SCN11A: variants seen among roughly 807,000 people sequenced by gnomAD.
SCN11A encodes the protein sodium channel protein type 11 subunit alpha.
SCN11A carries 122 observed loss-of-function variants against 162.2 expected under a neutral mutation model. The observed-to-expected ratio is 0.75, with a 90% CI of 0.65 to 0.87. The LOEUF is 0.87. SCN11A is among the 40% of genes least tolerant of loss of function. The probability of loss-of-function intolerance (pLI) is 0.00; values close to 1 mark genes in which losing one functional copy is unlikely to be tolerated. For missense variants in SCN11A, 2,015 were observed against 2,181.6 expected, an observed-to-expected ratio of 0.92 and a Z score of 1.52; for synonymous variants, 758 against 751.5, an observed-to-expected ratio of 1.01 and a Z score of -0.14.
intron 2 of SCN11A, among the ~76,000 whole-genome samples, chr3:38,983,442 G>A (rs2030129693): frequency 6.6e-6 from 1 of 152,182 alleles, no homozygotes; most frequent in Non-Finnish European, 1.5e-5. Context: ...TCTGTGGCCT[G>A]ACCTCCCCTG....
chr3:38,943,721 C>A (rs1174936811), intron 7 of SCN11A, among the ~76,000 whole-genome samples: 1 of 152,034 alleles, frequency 6.6e-6, no homozygotes, highest in African/African-American at 2.4e-5. Context: ...GAGTCTAAAT[C>A]AAATATTTCA....
chr3:38,909,111 G>T lies in SCN11A; in HGVS notation c.1185C>A (p.Thr395=), dbSNP rs747121920. 9 of 1,613,966 alleles carry T rather than the reference G, an allele frequency of 5.6e-6. No homozygotes were observed. Among genetic ancestry groups the T allele is most frequent in the African/African-American group, 1.3e-5 (1 of 74,898 alleles). Residue 395 remains threonine, a synonymous_variant, in exon 13 of 30, where the codon ACC becomes ACA. Coordinates refer to ENST00000302328, the MANE Select transcript of SCN11A (RefSeq NM_001349253.2). Reference sequence around the variant, plus strand: ...CATATGCCATGGTAACAACAGCCAGGGTTAAGTTAATCAGGTAGAAGGAGC... The same window carrying T: ...CATATGCCATGGTAACAACAGCCAGTGTTAAGTTAATCAGGTAGAAGGAGC... ...FLGSFYLINL[T]LAVVTMAYEE...
At chr3:39,026,102 ATG>A (rs1196016732) in intron 2 of SCN11A, 1 of 150,684 alleles carries the variant, frequency 6.6e-6, no homozygotes, top group Non-Finnish European at 1.5e-5. Flanking sequence ...TTATTACATT[ATG>A]TGTCAATTAA....
intron 2 of SCN11A, among the ~76,000 whole-genome samples, chr3:39,024,609 C>G (rs2031539194): frequency 6.6e-6 from 1 of 152,202 alleles, no homozygotes; most frequent in African/African-American, 2.4e-5. Context: ...AAAACCAGAA[C>G]ATAATACTCT....
intron 14 of SCN11A, among the ~76,000 whole-genome samples, chr3:38,907,297 T>C (rs545641624): frequency 1.2e-3 from 152 of 129,982 alleles, no homozygotes; most frequent in African/African-American, 3.8e-3. Flanking sequence ...TTGGTATATA[T>C]ATACCAACAT....
chr3:39,048,477 A>G (rs76468963), intron 1 of SCN11A, among the ~76,000 whole-genome samples: 4,396 of 152,326 alleles, frequency 0.029, 214 homozygotes, highest in African/African-American at 0.1. Flanking sequence ...ACTATGATTA[A>G]CAATAATTTA....
Position 39,004,898 on chromosome 3 carries a change from G to A in SCN11A, c.-280+27482C>T, listed in dbSNP as rs146056308. Among the ~76,000 whole-genome samples the A allele has an allele frequency of 3.5e-4, 54 of 152,242 alleles. No individual in the cohort carries two copies. In the East Asian group the frequency reaches 9.8e-3, roughly 28 times the overall value. ...CTGCAGACAAAACCTCTGAGACACC[G>A]AATTGTAGAAGGAAGGGCTTTATTC... On this transcript the variant is annotated intron_variant, in intron 2 of 29. Transcript: ENST00000302328.
intron 1 of SCN11A, among the ~76,000 whole-genome samples, chr3:39,042,988 A>G (rs1212129536): frequency 6.6e-6 from 1 of 150,730 alleles, no homozygotes; most frequent in Non-Finnish European, 1.5e-5. Flanking sequence ...AAGAAAAAGA[A>G]AAAAGAAATG....
rs761776196 is a variant in SCN11A, at chr3:38,897,054, T to C, written c.2194A>G (p.Ser732Gly). The change falls in exon 18 of 30, where the codon AGT (serine) becomes GGT (glycine). Residue 732 changes from serine (S) to glycine (G), a missense_variant. Coordinates refer to ENST00000302328, the MANE Select transcript of SCN11A (RefSeq NM_001349253.2). ...CCTGTCGGGTTACAGAGTTTTGGAC[T>C]CTTTTGGGAATTGAAGCTACGGCCA... ...LFGRSFNSQKSPKLCNPTGPT... is the reference protein window; with the variant it reads ...LFGRSFNSQKGPKLCNPTGPT... The C allele has an allele frequency of 1.2e-6, 2 of 1,614,016 alleles. No homozygotes were observed. The highest frequency in any genetic ancestry group is 1.7e-6 in the Non-Finnish European group (2 of 1,180,016).
intron 1 of SCN11A, among the ~76,000 whole-genome samples, chr3:39,043,056 T>C (rs2032094291): frequency 6.6e-6 from 1 of 150,912 alleles, no homozygotes; most frequent in South Asian, 2.1e-4. Flanking sequence ...CAAACAGGCA[T>C]GTGAAAAAGT....
In SCN11A at chr3:38,938,540, A is replaced by G. The variant is rs1274403206; in HGVS notation, c.488+6871T>C. 6.1e-3 allele frequency among the ~76,000 whole-genome samples: 148 copies of G among 24,138 alleles called. 3 individuals carry two copies. Among genetic ancestry groups the G allele is most frequent in the African/African-American group, 0.029 (142 of 4,910 alleles). 15.8% of individuals were successfully genotyped at this position (24,138 alleles called of 152,430 possible). A position where few individuals can be genotyped will look rare whatever the true frequency, so the allele number is the denominator to read the frequency against. On this transcript the variant is annotated intron_variant, in intron 7 of 29. Coordinates refer to ENST00000302328, the MANE Select transcript of SCN11A (RefSeq NM_001349253.2). Reference sequence around the variant, plus strand: ...TATATATATATATATATATATATATATATATATATATTTTTTTTTTTTTTT... The same window carrying G: ...TATATATATATATATATATATATATGTATATATATATTTTTTTTTTTTTTT...
At chr3:38,906,316 G>T (rs950365967) in intron 14 of SCN11A, among the ~76,000 whole-genome samples, 1 of 151,962 alleles carries the variant, frequency 6.6e-6, no homozygotes, top group Non-Finnish European at 1.5e-5. Context: ...CCTCCTTAAT[G>T]ATAAGAATAA....
At chr3:38,864,783 C>T (rs1224368290) in intron 27 of SCN11A, among the ~76,000 whole-genome samples, 1 of 152,080 alleles carries the variant, frequency 6.6e-6, no homozygotes, top group African/African-American at 2.4e-5. Context: ...AACATCGTGG[C>T]ATTTCAGAGA....
chr3:39,024,215 C>T (rs371777158), intron 2 of SCN11A, among the ~76,000 whole-genome samples: 5 of 152,208 alleles, frequency 3.3e-5, no homozygotes, highest in Admixed American at 1.3e-4. Context: ...TGTTTAGGTT[C>T]GATGAAGAAT....
intron 14 of SCN11A, among the ~76,000 whole-genome samples, chr3:38,907,338 G>A (rs867196413): frequency 0.078 from 836 of 10,764 alleles, 16 homozygotes; most frequent in Middle Eastern, 0.17. Flanking sequence ...GTGTGTGTGT[G>A]TGTGTATATA....
chr3:38,900,023 G>A lies in SCN11A; in HGVS notation c.1893C>T (p.Leu631=), dbSNP rs531410199. The change falls in exon 17 of 30, where the codon CTC becomes CTT. Residue 631 remains leucine, a synonymous_variant. Transcript: ENST00000302328. ...CTCGGCGAAAGTAGTGGTAGGGATC[G>A]AGCGCAATGATTTTTAGGCACATTT... ...IAEMCLKIIA[L]DPYHYFRRGW... is the part of the protein sequence containing the mutation. The A allele has an allele frequency of 3.0e-5, 48 of 1,614,030 alleles. 2 individuals carry two copies. The South Asian group carries it at 4.2e-4, about 14-fold the overall frequency.
chr3:38,980,469 T>A lies in SCN11A; in HGVS notation c.-279-20046A>T, dbSNP rs933715438. On this transcript the variant is annotated intron_variant, in intron 2 of 29. Coordinates refer to ENST00000302328, the MANE Select transcript of SCN11A (RefSeq NM_001349253.2). ...AACTGTGATTCAGTGATGTCGGTCA[T>A]GGAGCCACAGCTGCAATACGCTCTT... 3.9e-5 allele frequency among the ~76,000 whole-genome samples: 6 copies of A among 152,192 alleles called. No homozygotes were observed. In the South Asian group the frequency reaches 6.2e-4, roughly 16 times the overall value.
intron 2 of SCN11A, among the ~76,000 whole-genome samples, chr3:38,980,411 C>A (rs2029987783): frequency 6.6e-6 from 1 of 152,114 alleles, no homozygotes; most frequent in African/African-American, 2.4e-5. Context: ...AATGGGGAAG[C>A]AATTCAACAA....
At chr3:39,009,986 G>A (rs893610018) in intron 2 of SCN11A, among the ~76,000 whole-genome samples, 3 of 151,518 alleles carry the variant, frequency 2.0e-5, no homozygotes, top group African/African-American at 4.9e-5. Context: ...TGCCCAGCCA[G>A]GGCATGTACA....
Sources: gnomAD v4.1 joint callset for allele counts (sites outside exome capture counted in the v4.1 genomes callset) on GRCh38, gnomAD v4.1.1 for gene constraint, MANE v1.5 for transcripts, NCBI Gene and HGNC (gene_info 2026-07-23, HGNC 2026-07-21) for gene names.